HYDIN: variants seen among roughly 807,000 people sequenced by gnomAD.
HYDIN encodes HYDIN axonemal central pair apparatus protein.
In HYDIN, 132 loss-of-function variants were observed where a neutral mutation model predicts 403.9. The ratio of observed to expected loss-of-function variants is 0.33; its 90% CI spans 0.28 to 0.38. The LOEUF (loss-of-function observed/expected upper bound fraction) is 0.38. Ranked by LOEUF, HYDIN falls within the 10% of genes least tolerant of loss-of-function variation. The pLI is 1.00. For missense variants in HYDIN, 2,827 were observed against 5,009.5 expected (o/e 0.56, Z 13.15); for synonymous variants, 1,202 against 1,891.7 (o/e 0.64, Z 9.46).
At chr16:71,005,258 T>C (rs1430465694) in intron 23 of HYDIN, among the ~76,000 whole-genome samples, 1 of 152,166 alleles carries the variant, frequency 6.6e-6, no homozygotes, top group Non-Finnish European at 1.5e-5. Flanking sequence ...GATAGAAATA[T>C]TCTCTATCTG....
chr16:70,892,637 T>A, intron 55 of HYDIN, 108 bp from the exon 56 acceptor site: 1 of 1,089,804 alleles, frequency 9.2e-7, no homozygotes, highest in East Asian at 2.6e-5. Flanking sequence ...CAGCCCTGTT[T>A]AGCCACTACG....
rs1426304183 is a variant in HYDIN at position 71,027,635 on chromosome 16, A to T, written c.3009T>A (p.Asp1003Glu). 3 of 1,613,666 alleles carry T rather than the reference A, an allele frequency of 1.9e-6. No individual in the cohort carries two copies. Among genetic ancestry groups the T allele is most frequent in the South Asian group, 2.2e-5 (2 of 91,014 alleles). Residue 1003 changes from aspartate to glutamate, a missense_variant, in exon 20 of 86, where the codon GAT (aspartate) becomes GAA (glutamate). By Grantham distance (45) the Asp-to-Glu change is conservative. Coordinates refer to ENST00000393567, the MANE Select transcript of HYDIN (RefSeq NM_001270974.2). ...SMELYPGQAIDVILEGYSATP... is the reference protein window; with the variant it reads ...SMELYPGQAIEVILEGYSATP... ...TAGCAGAATAGCCTTCGAGTATCAC[A>T]TCAATTGCCTGGCCTGGGTACAGCT...
chr16:71,176,636 AAAGC>A (rs1328202846), intron 4 of HYDIN, among the ~76,000 whole-genome samples: 2 of 152,196 alleles, frequency 1.3e-5, no homozygotes, highest in African/African-American at 4.8e-5. Context: ...TAAACACCAC[AAAGC>A]AAGAGCAAAG....
chr16:71,208,137 T>C (rs371991452), intron 1 of HYDIN, among the ~76,000 whole-genome samples: 3 of 152,106 alleles, frequency 2.0e-5, no homozygotes, highest in East Asian at 1.9e-4. Context: ...CACCACATGG[T>C]ACATATTCTA....
intron 13 of HYDIN, among the ~76,000 whole-genome samples, chr16:71,078,502 T>C (rs2082684978): frequency 6.6e-6 from 1 of 152,108 alleles, no homozygotes; most frequent in African/African-American, 2.4e-5. Context: ...GAGGGTTTTT[T>C]TGTTGTTTAT....
chr16:70,809,981 G>A lies in HYDIN; in HGVS notation c.14685C>T (p.Pro4895=), dbSNP rs2035362075. The change falls in exon 85 of 86, where the codon CCC becomes CCT. Residue 4895 remains proline, a synonymous_variant. Coordinates refer to ENST00000393567, the MANE Select transcript of HYDIN (RefSeq NM_001270974.2). ...TTCCGAAGGTTTCTCCAGCTTTCAGGGGCTGAAATTCAAATGAGAACGTGC... is the reference window on the plus strand; with the variant it reads ...TTCCGAAGGTTTCTCCAGCTTTCAGAGGCTGAAATTCAAATGAGAACGTGC... ...SEGTFSFEFQ[P]LKAGETFGRL... is the part of the protein sequence containing the mutation. The A allele has an allele frequency of 1.2e-6, 2 of 1,614,050 alleles. No individual in the cohort carries two copies. Among genetic ancestry groups the A allele is most frequent in the African/African-American group, 1.3e-5 (1 of 74,928 alleles).
chr16:71,082,956 C>T (rs1320684756), intron 12 of HYDIN, among the ~76,000 whole-genome samples: 28 of 151,638 alleles, frequency 1.8e-4, no homozygotes, highest in East Asian at 7.8e-4. Context: ...AATTTGAAAA[C>T]GTTTTTATCA....
chr16:70,896,349 C>A (rs527957891), intron 53 of HYDIN, among the ~76,000 whole-genome samples: 1 of 151,762 alleles, frequency 6.6e-6, no homozygotes, highest in African/African-American at 2.4e-5. Context: ...GTAGACATTA[C>A]AGGAAAGTGG....
chr16:70,895,872 A>G, intron 54 of HYDIN, 109 bp downstream of exon 54: 2 of 1,438,460 alleles, frequency 1.4e-6, no homozygotes, highest in East Asian at 2.3e-5. Flanking sequence ...AAATTGCCCC[A>G]TGCCCAATCC....
intron 9 of HYDIN, among the ~76,000 whole-genome samples, chr16:71,117,469 T>C (rs2084084923): frequency 6.6e-6 from 1 of 152,158 alleles, no homozygotes; most frequent in Non-Finnish European, 1.5e-5. Flanking sequence ...CAGAACTCAG[T>C]AAATAACTGA....
chr16:70,807,569 C>G lies in HYDIN; in HGVS notation c.*11G>C, dbSNP rs374072276. The stretch of plus-strand genomic sequence containing the variant: ...ATAGCTTTTGGTTGATACAGGTAAC[C>G]CTGGTTACCACTAAAGGGTGATCCC... On this transcript the variant is annotated 3_prime_UTR_variant, in exon 86 of 86. Coordinates refer to ENST00000393567, the MANE Select transcript of HYDIN (RefSeq NM_001270974.2). The G allele has an allele frequency of 6.6e-5, 106 of 1,596,156 alleles. No individual in the cohort carries two copies. Among genetic ancestry groups the G allele is most frequent in the Non-Finnish European group, 8.5e-5 (99 of 1,170,516 alleles).
intron 7 of HYDIN, among the ~76,000 whole-genome samples, chr16:71,139,578 TAC>T (rs1188789706): frequency 1.3e-5 from 2 of 151,900 alleles, no homozygotes; most frequent in African/African-American, 4.8e-5. Context: ...CTCTAGGACC[TAC>T]AGAAATAAAA....
chr16:70,976,709 T>C (rs2078898447), intron 30 of HYDIN, among the ~76,000 whole-genome samples: 1 of 152,232 alleles, frequency 6.6e-6, no homozygotes, highest in South Asian at 2.1e-4. Context: ...TATGTCAAAC[T>C]ATTCAAGGAG....
At chr16:70,923,133 T>G (rs2077046430) in intron 45 of HYDIN, among the ~76,000 whole-genome samples, 1 of 148,374 alleles carries the variant, frequency 6.7e-6, no homozygotes, top group African/African-American at 2.4e-5. Flanking sequence ...AAGCATCACT[T>G]CAAGAAGTTA....
chr16:71,158,509 GT>G (rs1418106684), intron 6 of HYDIN, among the ~76,000 whole-genome samples: 2 of 149,570 alleles, frequency 1.3e-5, no homozygotes, highest in Non-Finnish European at 3.0e-5. Flanking sequence ...TTTTGGCATG[GT>G]TTTTTTCAAA....
At chr16:70,981,677 A>G (rs977460949) in intron 28 of HYDIN, 109 bp from the exon 29 acceptor site, 11 of 1,419,686 alleles carry the variant, frequency 7.7e-6, no homozygotes, top group South Asian at 1.8e-5. Context: ...ACCTAAAAAA[A>G]GAAGGAAAGG....
chr16:70,809,807 C>G lies in HYDIN; in HGVS notation c.14859G>C (p.Arg4953=), dbSNP rs757418692. The change falls in exon 85 of 86, where the codon CGG becomes CGC. Residue 4953 remains arginine, a synonymous_variant. Coordinates refer to ENST00000393567, the MANE Select transcript of HYDIN (RefSeq NM_001270974.2). ...CCCTGCAGTAGTATTCTGTCCTCTG[C>G]CGTGTGTAATTGATGAACTTCACAA... ...IILVKFINYT[R]QRTEYYCRTD... The G allele has an allele frequency of 1.9e-6, 3 of 1,613,980 alleles. No individual in the cohort carries two copies. In the African/African-American group the frequency reaches 4.0e-5, roughly 22 times the overall value.
chr16:70,986,705 T>A (rs1363564757), intron 27 of HYDIN, among the ~76,000 whole-genome samples: 2 of 144,606 alleles, frequency 1.4e-5, no homozygotes, highest in African/African-American at 5.2e-5. Flanking sequence ...TGGGAAAGTA[T>A]ATTATATTAT....
At chr16:71,007,478 A>G (rs887515838) in intron 23 of HYDIN, among the ~76,000 whole-genome samples, 18 of 152,142 alleles carry the variant, frequency 1.2e-4, no homozygotes, top group Non-Finnish European at 2.2e-4. Context: ...TGGTTAAAAC[A>G]GGGGCTTTGC....
Sources: gnomAD v4.1 joint callset for allele counts (sites outside exome capture counted in the v4.1 genomes callset) on GRCh38, gnomAD v4.1.1 for gene constraint, MANE v1.5 for transcripts, NCBI Gene and HGNC (gene_info 2026-07-23, HGNC 2026-07-21) for gene names.